Variants in DPP10 observed in about 807,000 individuals in gnomAD.
The protein encoded by DPP10 is inactive dipeptidyl peptidase 10.
DPP10 carries 33 observed loss-of-function variants against 120.9 expected under a neutral mutation model. The observed-to-expected ratio is 0.27, with a 90% CI of 0.21 to 0.37. The LOEUF is 0.37. Ranked by LOEUF, DPP10 falls within the 10% of genes least tolerant of loss-of-function variation. The probability of loss-of-function intolerance (pLI) is 1.00; values close to 1 mark genes in which losing one functional copy is unlikely to be tolerated. For missense variants in DPP10, 816 were observed against 942.8 expected (o/e 0.87, Z 1.76); for synonymous variants, 337 against 326.1 (o/e 1.03, Z -0.36).
intron 3 of DPP10, among the ~76,000 whole-genome samples, chr2:115,441,120 G>C (rs939334827): frequency 9.9e-5 from 15 of 151,996 alleles, no homozygotes; most frequent in Non-Finnish European, 1.5e-4. Flanking sequence ...GTAAAAACAA[G>C]GTTAGGCATT....
intron 3 of DPP10, among the ~76,000 whole-genome samples, chr2:115,404,471 A>G (rs750405422): frequency 4.3e-4 from 66 of 152,306 alleles, no homozygotes; most frequent in African/African-American, 6.0e-4. Flanking sequence ...ACTGAAAACT[A>G]TAAACATTGA....
chr2:115,327,755 CAG>C (rs1466240643), intron 2 of DPP10, among the ~76,000 whole-genome samples: 1 of 151,964 alleles, frequency 6.6e-6, no homozygotes. Flanking sequence ...CTGCACCACA[CAG>C]ATATTCAAAA....
intron 1 of DPP10, among the ~76,000 whole-genome samples, chr2:114,892,050 C>T (rs1692586068): frequency 6.6e-6 from 1 of 152,138 alleles, no homozygotes; most frequent in African/African-American, 2.4e-5. Flanking sequence ...TTACCCTTAC[C>T]CCCACCATGT....
intron 3 of DPP10, among the ~76,000 whole-genome samples, chr2:115,493,896 TG>T (rs1211199588): frequency 6.6e-6 from 1 of 151,978 alleles, no homozygotes; most frequent in African/African-American, 2.4e-5. Flanking sequence ...AGGCTTACTG[TG>T]AAAGGGAAAA....
At chr2:115,356,387 GT>G (rs1274043725) in intron 3 of DPP10, among the ~76,000 whole-genome samples, 3 of 151,944 alleles carry the variant, frequency 2.0e-5, no homozygotes, top group African/African-American at 7.3e-5. Context: ...AATGCTTGTG[GT>G]TTTTGCACAT....
chr2:114,925,011 A>G (rs937731127), intron 1 of DPP10, among the ~76,000 whole-genome samples: 2 of 152,248 alleles, frequency 1.3e-5, no homozygotes, highest in South Asian at 2.1e-4. Context: ...GGAGTTTGAG[A>G]CCAGCCTGGC....
At chr2:115,000,557 G>A (rs1701375392) in intron 1 of DPP10, among the ~76,000 whole-genome samples, 1 of 151,962 alleles carries the variant, frequency 6.6e-6, no homozygotes, top group African/African-American at 2.4e-5. Context: ...AAATAGCCTT[G>A]GATGGTAATA....
At chr2:114,895,927 G>C (rs575136476) in intron 1 of DPP10, among the ~76,000 whole-genome samples, 1 of 152,164 alleles carries the variant, frequency 6.6e-6, no homozygotes, top group Non-Finnish European at 1.5e-5. Context: ...GTAAGGAAGG[G>C]ATCCAGTTTC....
intron 1 of DPP10, among the ~76,000 whole-genome samples, chr2:114,804,977 G>A (rs534546729): frequency 6.6e-6 from 1 of 152,270 alleles, no homozygotes; most frequent in Admixed American, 6.5e-5. Context: ...ATTCCCACAT[G>A]TTGTGGGAGG....
chr2:115,134,272 T>C (rs879437040), intron 1 of DPP10, among the ~76,000 whole-genome samples: 1 of 152,170 alleles, frequency 6.6e-6, no homozygotes, highest in Admixed American at 6.6e-5. Context: ...TATTTCCTAG[T>C]AGGAGGTTTC....
chr2:115,576,913 AT>A lies in DPP10; in HGVS notation c.441+50944del, dbSNP rs2081703213. On this transcript the variant is annotated intron_variant, in intron 5 of 25. Coordinates refer to ENST00000410059, the MANE Select transcript of DPP10 (RefSeq NM_020868.6). ...CAGAGACCAGCCTGAGTTGTAATAA[AT>A]TTAGGGAAAGCATTCACTATTATTT... is the stretch of plus-strand genomic sequence containing the variant. Among the ~76,000 whole-genome samples the A allele has an allele frequency of 2.6e-5, 4 of 152,326 alleles. No individual in the cohort carries two copies. In the South Asian group the frequency reaches 8.3e-4, roughly 32 times the overall value.
intron 1 of DPP10, among the ~76,000 whole-genome samples, chr2:114,642,024 G>C (rs1242659386): frequency 1.3e-5 from 2 of 151,844 alleles, no homozygotes; most frequent in Non-Finnish European, 2.9e-5. Flanking sequence ...AAAGTCTTTT[G>C]ATTTTAGAAT....
At chr2:115,429,464 G>T (rs1311488086) in intron 3 of DPP10, among the ~76,000 whole-genome samples, 1 of 152,110 alleles carries the variant, frequency 6.6e-6, no homozygotes, top group African/African-American at 2.4e-5. Flanking sequence ...ATAACATTAT[G>T]TCCAAAAATG....
At chr2:115,807,720 G>A (rs1686162815) in intron 19 of DPP10, among the ~76,000 whole-genome samples, 1 of 151,572 alleles carries the variant, frequency 6.6e-6, no homozygotes, top group African/African-American at 2.4e-5. Flanking sequence ...ACAAGTAGGA[G>A]GAAGGCTAGG....
chr2:114,555,256 G>A (rs987429849), intron 1 of DPP10, among the ~76,000 whole-genome samples: 1 of 152,114 alleles, frequency 6.6e-6, no homozygotes, highest in Non-Finnish European at 1.5e-5. Flanking sequence ...CTTGCTTGTG[G>A]CAGGACATCA....
chr2:115,518,685 T>C (rs1311956741), intron 4 of DPP10, among the ~76,000 whole-genome samples: 2 of 152,070 alleles, frequency 1.3e-5, no homozygotes, highest in African/African-American at 2.4e-5. Flanking sequence ...GAAATTATAC[T>C]CTGTAAAATG....
intron 1 of DPP10, among the ~76,000 whole-genome samples, chr2:114,510,623 C>CA (rs1174395703): frequency 1.3e-5 from 2 of 151,900 alleles, no homozygotes; most frequent in South Asian, 2.1e-4. Flanking sequence ...AACAAAAAAA[C>CA]AAAAAACAAA....
At chr2:114,580,706 A>G (rs939359829) in intron 1 of DPP10, among the ~76,000 whole-genome samples, 1 of 151,092 alleles carries the variant, frequency 6.6e-6, no homozygotes, top group Non-Finnish European at 1.5e-5. Context: ...GCACCGCATT[A>G]ATCATATCAC....
chr2:115,039,161 A>AGT (rs1001721775), intron 1 of DPP10, among the ~76,000 whole-genome samples: 9 of 152,124 alleles, frequency 5.9e-5, no homozygotes, highest in African/African-American at 2.2e-4. Flanking sequence ...GGAACTTAAC[A>AGT]TTTCTTGGTT....
Sources: gnomAD v4.1 joint callset for allele counts (sites outside exome capture counted in the v4.1 genomes callset) on GRCh38, gnomAD v4.1.1 for gene constraint, MANE v1.5 for transcripts, NCBI Gene and HGNC (gene_info 2026-07-23, HGNC 2026-07-21) for gene names.